Variants in GPR160 observed in about 807,000 individuals in gnomAD.
The protein encoded by GPR160 is probable G protein-coupled receptor 160.
A neutral mutation model predicts 2.6 loss-of-function variants in GPR160; 2 were observed. The ratio of observed to expected loss-of-function variants is 0.77; its 90% CI spans 0.32 to 2.44. GPR160 has a LOEUF of 2.44. GPR160 is among the 30% of genes most tolerant of loss of function. The pLI is 0.11. For synonymous variants in GPR160, 130 were observed against 132.2 expected (o/e 0.98, Z 0.12); for missense variants, 351 against 383.6 (o/e 0.91, Z 0.71).
intron 2 of GPR160, among the ~76,000 whole-genome samples, chr3:170,044,549 A>G: frequency 6.6e-6 from 1 of 152,114 alleles, no homozygotes; most frequent in East Asian, 1.9e-4. Flanking sequence ...GGGAAAAGGA[A>G]TGGCTCCAAA....
At chr3:170,045,443 A>AAAAAAAAAAAAAAC (rs1559981277) in intron 2 of GPR160, among the ~76,000 whole-genome samples, 11 of 131,470 alleles carry the variant, frequency 8.4e-5, no homozygotes, top group African/African-American at 2.8e-4. Context: ...AAAAAAAAAA[A>AAAAAAAAAAAAAAC]AAAACCAATT....
At chr3:170,071,336 G>A (rs1712584322) in intron 2 of GPR160, among the ~76,000 whole-genome samples, 1 of 152,164 alleles carries the variant, frequency 6.6e-6, no homozygotes, top group African/African-American at 2.4e-5. Flanking sequence ...TTAAAAGCAT[G>A]TGGGGCCTCC....
intron 3 of GPR160, among the ~76,000 whole-genome samples, chr3:170,081,175 C>A (rs1713102241): frequency 6.6e-6 from 1 of 152,076 alleles, no homozygotes; most frequent in Non-Finnish European, 1.5e-5. Context: ...AAAACTAAGC[C>A]TTTTTTGTTT....
chr3:170,077,713 GA>G, intron 2 of GPR160: 1 of 152,384 alleles, frequency 6.6e-6, no homozygotes, highest in African/African-American at 2.4e-5. Context: ...TGTCTGTACT[GA>G]ATAAAAGCAA....
intron 2 of GPR160, among the ~76,000 whole-genome samples, chr3:170,066,434 T>C (rs73030609): frequency 0.027 from 4,175 of 152,146 alleles, 182 homozygotes; most frequent in African/African-American, 0.095. Flanking sequence ...CCACCGCGCC[T>C]GGCCATTTCT....
chr3:170,064,195 C>T (rs1712167102), intron 2 of GPR160, among the ~76,000 whole-genome samples: 1 of 152,102 alleles, frequency 6.6e-6, no homozygotes, highest in Non-Finnish European at 1.5e-5. Context: ...AAATTACGTA[C>T]TTAATACCCC....
rs1221581958 is a variant in GPR160 at position 170,084,896 on chromosome 3, G to T, written c.924G>T (p.Leu308Phe). The change falls in exon 4 of 4, where the codon TTG becomes TTT. Residue 308 changes from leucine to phenylalanine, a missense_variant. Physicochemically the swap from Leu to Phe is conservative, Grantham distance 22. Transcript: ENST00000355897. ...KLNLKDIGLP[L>F]DPFVNWKCCF... ...ATTTAAAAGACATTGGATTACCTTT[G>T]GATCCATTTGTCAACTGGAAGTGCT... The T allele has an allele frequency of 6.2e-7, 1 of 1,604,492 alleles. No homozygotes were observed. The highest frequency in any genetic ancestry group is 2.2e-5 in the East Asian group (1 of 44,732).
intron 2 of GPR160, among the ~76,000 whole-genome samples, chr3:170,051,587 C>A (rs755015036): frequency 6.6e-6 from 1 of 152,018 alleles, no homozygotes; most frequent in African/African-American, 2.4e-5. Flanking sequence ...TAGCTGGGCG[C>A]GGTGGCATGC....
In GPR160 at chr3:170,038,654, G is replaced by A. The variant is rs1055837208; in HGVS notation, c.-321-261G>A. 2.2e-4 allele frequency: 33 copies of A among 150,356 alleles called. No homozygotes were observed. Among genetic ancestry groups the A allele is most frequent in the African/African-American group, 2.7e-4 (11 of 40,956 alleles). The allele number at this position is 150,356 out of a possible 1,614,324, so 9.3% of individuals were successfully genotyped here. A position where few individuals can be genotyped will look rare whatever the true frequency, so the allele number is the denominator to read the frequency against. On this transcript the variant is annotated intron_variant, in intron 1 of 3. Coordinates refer to ENST00000355897, the MANE Select transcript of GPR160 (RefSeq NM_014373.3). The surrounding 1 kb of genome is among the most constrained non-coding windows in gnomAD (Gnocchi z 5.3). ...CAGAGGTGAATAGTCTCACACACAC[G>A]CGCGCGCGCGCGCGTGCGTGCATTC...
chr3:170,060,055 A>T (rs745861390), intron 2 of GPR160, among the ~76,000 whole-genome samples: 10 of 151,044 alleles, frequency 6.6e-5, no homozygotes, highest in African/African-American at 1.2e-4. Context: ...ATATTTTCCT[A>T]AAAAAAACAG....
At chr3:170,071,215 GC>G (rs1165934894) in intron 2 of GPR160, among the ~76,000 whole-genome samples, 1 of 152,184 alleles carries the variant, frequency 6.6e-6, no homozygotes, top group Non-Finnish European at 1.5e-5. Context: ...TGGAGATGGG[GC>G]CTGTTAGGAG....
At chr3:170,080,035 C>T (rs538353632) in intron 3 of GPR160, 138 bp downstream of exon 3, 31 of 152,280 alleles carry the variant, frequency 2.0e-4, no homozygotes, top group Admixed American at 9.2e-4. Context: ...AAGCAAGATA[C>T]CTTGAAAAGG....
intron 3 of GPR160, 85 bp downstream of exon 3, chr3:170,079,982 T>C (rs989479068): frequency 6.6e-6 from 1 of 152,312 alleles, no homozygotes; most frequent in South Asian, 2.1e-4. Context: ...ATGGTTTGTT[T>C]CCCTGAGGCC....
rs574834199 is a variant in GPR160 at position 170,046,848 on chromosome 3, G to A, written c.-193+7805G>A. 5.3e-5 allele frequency among the ~76,000 whole-genome samples: 8 copies of A among 152,308 alleles called. No individual in the cohort carries two copies. In the South Asian group the frequency reaches 8.3e-4, roughly 16 times the overall value. Reference sequence around the variant, plus strand: ...GTGAACCCAGGTTCAGGCCAGAAATGAGAACATGGAATGGCCTTCATTTTA... The same window carrying A: ...GTGAACCCAGGTTCAGGCCAGAAATAAGAACATGGAATGGCCTTCATTTTA... On this transcript the variant is annotated intron_variant, in intron 2 of 3. Coordinates refer to ENST00000355897, the MANE Select transcript of GPR160 (RefSeq NM_014373.3).
chr3:170,064,550 ACT>A (rs1394102461), intron 2 of GPR160, among the ~76,000 whole-genome samples: 24 of 113,428 alleles, frequency 2.1e-4, no homozygotes, highest in Non-Finnish European at 3.0e-4. Flanking sequence ...GCAGAGTCTC[ACT>A]CTGTCGCCCA....
chr3:170,051,589 G>T (rs913391276), intron 2 of GPR160, among the ~76,000 whole-genome samples: 1 of 152,184 alleles, frequency 6.6e-6, no homozygotes, highest in East Asian at 1.9e-4. Context: ...GCTGGGCGCG[G>T]TGGCATGCGC....
At position 170,085,132 on chromosome 3, in the gene GPR160, T is replaced by A; in HGVS notation, c.*143T>A. On this transcript the variant is annotated 3_prime_UTR_variant, in exon 4 of 4. Coordinates refer to ENST00000355897, the MANE Select transcript of GPR160 (RefSeq NM_014373.3). ...TTTCAGAATGTGTCTTTTGAAGGGCTATGATACCAGTTATTAAATAGTGTT... is the reference window on the plus strand; with the variant it reads ...TTTCAGAATGTGTCTTTTGAAGGGCAATGATACCAGTTATTAAATAGTGTT... The A allele has an allele frequency of 2.1e-6, 1 of 470,118 alleles. No individual in the cohort carries two copies. The highest frequency in any genetic ancestry group is 3.8e-6 in the Non-Finnish European group (1 of 260,442). The allele number at this position is 470,118 out of a possible 1,614,324, so 29.1% of individuals were successfully genotyped here.
chr3:170,046,781 C>T (rs914202643), intron 2 of GPR160, among the ~76,000 whole-genome samples: 4 of 152,100 alleles, frequency 2.6e-5, no homozygotes, highest in Admixed American at 6.6e-5. Flanking sequence ...ACATTTGTTT[C>T]GATTGCCTTT....
At chr3:170,080,598 C>A (rs1290536044) in intron 3 of GPR160, among the ~76,000 whole-genome samples, 1 of 152,214 alleles carries the variant, frequency 6.6e-6, no homozygotes, top group East Asian at 1.9e-4. Context: ...AAGCGTCCTC[C>A]TCCAGGTCCT....
Sources: gnomAD v4.1 joint callset for allele counts (sites outside exome capture counted in the v4.1 genomes callset) on GRCh38, gnomAD v4.1.1 for gene constraint, Gnocchi (gnomAD v3.1) non-coding constraint, MANE v1.5 for transcripts, NCBI Gene and HGNC (gene_info 2026-07-23, HGNC 2026-07-21) for gene names.